Variants in GOLGA1 observed in about 807,000 individuals in gnomAD.
GOLGA1 encodes golgin A1.
In GOLGA1, 63 loss-of-function variants were observed where a neutral mutation model predicts 119.7. The observed-to-expected ratio is 0.53, with a 90% CI of 0.43 to 0.65. The LOEUF (loss-of-function observed/expected upper bound fraction) is 0.65, where lower values mean the gene tolerates loss of function less well. GOLGA1 is among the 30% of genes least tolerant of loss of function. The pLI, the probability that GOLGA1 is intolerant of heterozygous loss-of-function variation, is 0.00. For missense variants in GOLGA1, 798 were observed against 912.8 expected (o/e 0.87, Z 1.62); for synonymous variants, 318 against 333.4 (o/e 0.95, Z 0.50).
At position 124,903,188 on chromosome 9, in the gene GOLGA1, C is replaced by CAA. The variant is rs1193753862; in HGVS notation, c.1066-2642_1066-2641insTT. 1.3e-3 allele frequency among the ~76,000 whole-genome samples: 202 copies of CAA among 152,232 alleles called. 3 individuals carry two copies. Among genetic ancestry groups the CAA allele is most frequent in the African/African-American group, 4.5e-3 (186 of 41,564 alleles). Reference sequence around the variant, plus strand: ...AAAAGATAGAAACAACGCAAATGTCCATCAAAAGCTGGGTGTGGGTTGGGT... The same window carrying CAA: ...AAAAGATAGAAACAACGCAAATGTCCAAATCAAAAGCTGGGTGTGGGTTGGGT... On this transcript the variant is annotated intron_variant, in intron 12 of 22. Transcript: ENST00000373555.
At chr9:124,943,913 G>A (rs1225840370), upstream of GOLGA1, 1 of 152,182 alleles carries the variant, frequency 6.6e-6, no homozygotes, top group East Asian at 1.9e-4. Flanking sequence ...CTGATTCAAT[G>A]ATTAATGAAA....
chr9:124,929,827 A>C (rs1455851855), intron 4 of GOLGA1, among the ~76,000 whole-genome samples: 1 of 152,190 alleles, frequency 6.6e-6, no homozygotes, highest in Non-Finnish European at 1.5e-5. Flanking sequence ...CCTACGCTAC[A>C]TTAAATGTGA....
chr9:124,898,354 G>A (rs74874521), intron 15 of GOLGA1, among the ~76,000 whole-genome samples, 195 bp downstream of exon 15: 1,728 of 152,294 alleles, frequency 0.011, 89 homozygotes, highest in Admixed American at 0.083. Flanking sequence ...CCAAATGAAT[G>A]TAATTCTTCC....
intron 10 of GOLGA1, among the ~76,000 whole-genome samples, chr9:124,915,503 C>T (rs1016954508): frequency 3.9e-5 from 6 of 152,142 alleles, no homozygotes; most frequent in Non-Finnish European, 8.8e-5. Flanking sequence ...AAGCGTTAAC[C>T]ACTTGTCTAT....
intron 22 of GOLGA1, 66 bp from the exon 23 acceptor site, chr9:124,880,676 G>A (rs1241047946): frequency 2.6e-5 from 25 of 959,018 alleles, no homozygotes; most frequent in Non-Finnish European, 3.9e-5. Context: ...AAACTGAACC[G>A]CCCCTCCCCT....
chr9:124,921,059 C>T, intron 10 of GOLGA1, 70 bp downstream of exon 10: 1 of 955,554 alleles, frequency 1.0e-6, no homozygotes, highest in South Asian at 1.3e-5. Flanking sequence ...TACTCTCAGG[C>T]AGAAATTTCT....
Position 124,903,994 on chromosome 9 carries a change from C to T in GOLGA1, c.1066-3447G>A, listed in dbSNP as rs546794375. Among the ~76,000 whole-genome samples, 194 of 150,238 alleles carry T rather than the reference C, an allele frequency of 1.3e-3. 1 individual carries two copies. Among genetic ancestry groups the T allele is most frequent in the Non-Finnish European group, 2.1e-3 (140 of 67,632 alleles). On this transcript the variant is annotated intron_variant, in intron 12 of 22. Transcript: ENST00000373555. ...AGGGGAATTGCTTGAACCTAGGAAGCGGAGGTTGCAGTGAGCCGAGATCGT... is the reference window on the plus strand; with the variant it reads ...AGGGGAATTGCTTGAACCTAGGAAGTGGAGGTTGCAGTGAGCCGAGATCGT...
In GOLGA1 at chr9:124,936,763, C is replaced by T. The variant is rs79320669; in HGVS notation, c.135+1814G>A. On this transcript the variant is annotated intron_variant, in intron 3 of 22. Transcript: ENST00000373555. ...TCTGTGTCCAGCCTGGAATCTTATA[C>T]AGCAGTAAAAATAAATGAACCACAG... is the stretch of plus-strand genomic sequence containing the variant. Among the ~76,000 whole-genome samples, 624 of 152,258 alleles carry T rather than the reference C, an allele frequency of 4.1e-3. 2 individuals carry two copies. The highest frequency in any genetic ancestry group is 6.5e-3 in the Non-Finnish European group (444 of 68,028).
rs770862287 is a variant in GOLGA1, at chr9:124,889,559, A to C, written c.1498-23T>G. 2.7e-6 allele frequency: 4 copies of C among 1,489,382 alleles called. No homozygotes were observed. In the African/African-American group the frequency reaches 4.1e-5, roughly 15 times the overall value. 92.3% of individuals were successfully genotyped at this position (1,489,382 alleles called of 1,614,324 possible). ...TGCCTTGGAGAGAAAAATCAACAAG[A>C]GGGAAGGTTGTGAGCAGTGACTCCA... is the stretch of plus-strand genomic sequence containing the variant. On this transcript the variant is annotated intron_variant, in intron 16 of 22. Transcript: ENST00000373555.
Position 124,878,527 on chromosome 9 carries a change from A to C in GOLGA1, c.*2003T>G, listed in dbSNP as rs1829498006. On this transcript the variant is annotated 3_prime_UTR_variant, in exon 23 of 23. Coordinates refer to ENST00000373555, the MANE Select transcript of GOLGA1 (RefSeq NM_002077.4). ...TATAGATACCGTCGCTAACACAGAAAGTTTTATACAAGTCAAAGTGCATTA... is the reference window on the plus strand; with the variant it reads ...TATAGATACCGTCGCTAACACAGAACGTTTTATACAAGTCAAAGTGCATTA... 6.5e-6 allele frequency: 1 copy of C among 152,676 alleles called. No homozygotes were observed. Among genetic ancestry groups the C allele is most frequent in the African/African-American group, 2.4e-5 (1 of 41,462 alleles). The allele number at this position is 152,676 out of a possible 1,614,324, so 9.5% of individuals were successfully genotyped here. A position where few individuals can be genotyped will look rare whatever the true frequency, so the allele number is the denominator to read the frequency against.
chr9:124,922,465 C>A (rs1187554251), intron 8 of GOLGA1, among the ~76,000 whole-genome samples: 3 of 150,568 alleles, frequency 2.0e-5, no homozygotes, highest in Non-Finnish European at 2.9e-5. Context: ...GTGGAAGAAT[C>A]CCTTGAGTCT....
intron 12 of GOLGA1, among the ~76,000 whole-genome samples, chr9:124,905,994 T>C (rs558131783): frequency 1.1e-3 from 160 of 151,790 alleles, no homozygotes; most frequent in African/African-American, 3.6e-3. Flanking sequence ...GTGCCTGTAA[T>C]TCCAGCTACT....
intron 13 of GOLGA1, 100 bp downstream of exon 13, chr9:124,900,352 G>A: frequency 1.5e-6 from 1 of 686,602 alleles, no homozygotes; most frequent in South Asian, 1.7e-5. Context: ...GGCAGGTCCA[G>A]GTACCGTTGC....
intron 12 of GOLGA1, among the ~76,000 whole-genome samples, chr9:124,905,658 G>A (rs1358311876): frequency 2.0e-5 from 3 of 152,108 alleles, no homozygotes; most frequent in Non-Finnish European, 4.4e-5. Context: ...ATTGGAAGGA[G>A]TAAGATAAAG....
intron 3 of GOLGA1, among the ~76,000 whole-genome samples, chr9:124,936,459 G>C: frequency 6.6e-6 from 1 of 151,918 alleles, no homozygotes; most frequent in Non-Finnish European, 1.5e-5. Flanking sequence ...AAAATCTTTA[G>C]AGACAGAGTC....
At position 124,879,197 on chromosome 9, in the gene GOLGA1, G is replaced by A. The variant is rs1829515550; in HGVS notation, c.*1333C>T. On this transcript the variant is annotated 3_prime_UTR_variant, in exon 23 of 23. Transcript: ENST00000373555. Reference sequence around the variant, plus strand: ...CACTGGATAATGGATAATAAATTTAGAGGCTCCAGTTATTAATTTAGTTTT... The same window carrying A: ...CACTGGATAATGGATAATAAATTTAAAGGCTCCAGTTATTAATTTAGTTTT... The A allele has an allele frequency of 1.3e-5, 2 of 152,244 alleles. No homozygotes were observed. Among genetic ancestry groups the A allele is most frequent in the South Asian group, 4.1e-4 (2 of 4,828 alleles). The allele number at this position is 152,244 out of a possible 1,614,324, so 9.4% of individuals were successfully genotyped here. A position where few individuals can be genotyped will look rare whatever the true frequency, so the allele number is the denominator to read the frequency against.
intron 7 of GOLGA1, among the ~76,000 whole-genome samples, chr9:124,923,527 T>C (rs1448223685): frequency 2.0e-5 from 3 of 152,168 alleles, no homozygotes; most frequent in African/African-American, 7.2e-5. Flanking sequence ...ATTACAGAAA[T>C]ATGGCATTAT....
At chr9:124,906,124 T>G (rs1438558521) in intron 12 of GOLGA1, among the ~76,000 whole-genome samples, 1 of 147,572 alleles carries the variant, frequency 6.8e-6, no homozygotes, top group East Asian at 2.0e-4. Flanking sequence ...AAAAAATAAA[T>G]AAATAAATAA....
At chr9:124,919,434 T>C (rs1337849040) in intron 10 of GOLGA1, among the ~76,000 whole-genome samples, 4 of 152,214 alleles carry the variant, frequency 2.6e-5, no homozygotes, top group Non-Finnish European at 5.9e-5. Context: ...GTAAAAAGCC[T>C]GTATCACAGT....
Sources: gnomAD v4.1 joint callset for allele counts (sites outside exome capture counted in the v4.1 genomes callset) on GRCh38, gnomAD v4.1.1 for gene constraint, MANE v1.5 for transcripts, NCBI Gene and HGNC (gene_info 2026-07-23, HGNC 2026-07-21) for gene names.